The following MAGI2 variants were observed in gnomAD, a reference collection of about 807,000 sequenced individuals.
MAGI2 encodes membrane associated guanylate kinase, WW and PDZ domain containing 2, also known as membrane-associated guanylate kinase, WW and PDZ domain-containing protein 2.
A neutral mutation model predicts 133.3 loss-of-function variants in MAGI2; 35 were observed. The ratio of observed to expected loss-of-function variants is 0.26; its 90% confidence interval spans 0.20 to 0.35. The LOEUF (loss-of-function observed/expected upper bound fraction) is 0.35, where lower values mean the gene tolerates loss of function less well. MAGI2 is among the 10% of genes least tolerant of loss of function. The pLI is 1.00. For missense variants in MAGI2, 1,636 were observed against 1,863.4 expected (o/e 0.88, Z 2.25); for synonymous variants, 729 against 710.6 (o/e 1.03, Z -0.41).
At chr7:78,028,715 C>T (rs1809223176) in intron 21 of MAGI2, among the ~76,000 whole-genome samples, 1 of 151,912 alleles carries the variant, frequency 6.6e-6, no homozygotes, top group South Asian at 2.1e-4. Context: ...ATTAGCTGGG[C>T]ATGGTGGCAC....
At chr7:78,415,853 T>C (rs2151387974) in intron 6 of MAGI2, among the ~76,000 whole-genome samples, 1 of 152,298 alleles carries the variant, frequency 6.6e-6, no homozygotes, top group Non-Finnish European at 1.5e-5. Context: ...TTTTAAATGC[T>C]GTTAGATTTA....
chr7:79,163,826 T>G (rs1749485153), intron 1 of MAGI2, among the ~76,000 whole-genome samples: 1 of 152,046 alleles, frequency 6.6e-6, no homozygotes, highest in African/African-American at 2.4e-5. Flanking sequence ...ATTTTATATC[T>G]CTTGTAAGTG....
intron 1 of MAGI2, among the ~76,000 whole-genome samples, chr7:79,327,476 T>C (rs367690992): frequency 1.5e-3 from 234 of 152,192 alleles, no homozygotes; most frequent in African/African-American, 5.4e-3. Flanking sequence ...TAAAGGGAAA[T>C]CCTGACACAT....
chr7:78,479,160 AAC>A (rs1384615358), intron 6 of MAGI2, among the ~76,000 whole-genome samples: 4 of 151,946 alleles, frequency 2.6e-5, no homozygotes, highest in African/African-American at 4.8e-5. Context: ...TTCAGGGACA[AAC>A]ACAATCAATA....
chr7:78,991,130 GCT>G (rs753252788), intron 2 of MAGI2, among the ~76,000 whole-genome samples: 136 of 151,366 alleles, frequency 9.0e-4, no homozygotes, highest in Middle Eastern at 3.4e-3. Flanking sequence ...CTTTTTGCTT[GCT>G]CTCTCTCTCT....
intron 1 of MAGI2, among the ~76,000 whole-genome samples, chr7:79,379,286 A>T (rs1843620163): frequency 6.6e-6 from 1 of 151,568 alleles, no homozygotes; most frequent in African/African-American, 2.4e-5. Context: ...AAAAAGGATA[A>T]GAATTCATCA....
At chr7:78,294,905 G>GTT (rs373682667) in intron 9 of MAGI2, among the ~76,000 whole-genome samples, 181 of 152,198 alleles carry the variant, frequency 1.2e-3, no homozygotes, top group African/African-American at 4.2e-3. Flanking sequence ...AAATACTGCT[G>GTT]TTTAATGTAT....
chr7:78,626,173 A>G lies in MAGI2; in HGVS notation c.538+947T>C, dbSNP rs1287138219. On this transcript the variant is annotated intron_variant, in intron 3 of 21. Coordinates refer to ENST00000354212, the MANE Select transcript of MAGI2 (RefSeq NM_012301.4). ...CTATTAGTTGCAGGTTAATAAAACT[A>G]ATCTTTCAACTTAATAATAGCATCT... is the stretch of plus-strand genomic sequence containing the variant. Among the ~76,000 whole-genome samples the G allele has an allele frequency of 3.3e-5, 5 of 152,208 alleles. No homozygotes were observed. In the East Asian group the frequency reaches 7.7e-4, roughly 23 times the overall value.
chr7:78,586,948 A>G (rs1279722285), intron 3 of MAGI2, among the ~76,000 whole-genome samples: 1 of 152,186 alleles, frequency 6.6e-6, no homozygotes, highest in Non-Finnish European at 1.5e-5. Context: ...TTGTATGTAT[A>G]TACCACATTT....
At chr7:78,356,324 GC>G (rs1469520443) in intron 7 of MAGI2, among the ~76,000 whole-genome samples, 1 of 152,196 alleles carries the variant, frequency 6.6e-6, no homozygotes, top group African/African-American at 2.4e-5. Context: ...TCTTCTGAGG[GC>G]CAGTGATCTA....
chr7:78,733,753 A>C (rs1201153926), intron 2 of MAGI2, among the ~76,000 whole-genome samples: 1 of 152,202 alleles, frequency 6.6e-6, no homozygotes. Context: ...CATCAGTAAG[A>C]CATTCATGCC....
At chr7:79,374,934 C>G (rs760953593) in intron 1 of MAGI2, among the ~76,000 whole-genome samples, 1 of 151,806 alleles carries the variant, frequency 6.6e-6, no homozygotes, top group African/African-American at 2.4e-5. Flanking sequence ...CACCAGTTAT[C>G]CACCTACTAT....
At chr7:79,318,137 A>G (rs17152236) in intron 1 of MAGI2, among the ~76,000 whole-genome samples, 7,853 of 152,184 alleles carry the variant, frequency 0.052, 652 homozygotes, top group African/African-American at 0.18. Flanking sequence ...CCTATCATCT[A>G]TACACTGAGG....
chr7:78,136,438 T>C (rs1374155372), intron 16 of MAGI2, among the ~76,000 whole-genome samples: 1 of 152,152 alleles, frequency 6.6e-6, no homozygotes, highest in African/African-American at 2.4e-5. Context: ...TTTTACTGTT[T>C]ATTTATATGT....
At chr7:78,330,184 G>A (rs1789020235) in intron 9 of MAGI2, among the ~76,000 whole-genome samples, 1 of 152,104 alleles carries the variant, frequency 6.6e-6, no homozygotes, top group African/African-American at 2.4e-5. Context: ...TAACACATCT[G>A]GTGAGATGTT....
intron 3 of MAGI2, among the ~76,000 whole-genome samples, chr7:78,581,767 A>G (rs1396442172): frequency 6.6e-6 from 1 of 152,216 alleles, no homozygotes; most frequent in African/African-American, 2.4e-5. Flanking sequence ...CCCAAAGAAC[A>G]AGGAAAACCT....
chr7:79,383,437 G>A (rs960283851), intron 1 of MAGI2, among the ~76,000 whole-genome samples: 4 of 151,210 alleles, frequency 2.6e-5, no homozygotes, highest in Non-Finnish European at 5.9e-5. Flanking sequence ...GTATAAAATG[G>A]GATTTTAAAA....
chr7:79,113,298 A>G (rs890803973), intron 1 of MAGI2, among the ~76,000 whole-genome samples: 3 of 152,194 alleles, frequency 2.0e-5, no homozygotes, highest in Admixed American at 6.5e-5. Context: ...CAACCTTCCC[A>G]TGGTGAGCTA....
At chr7:79,006,176 AT>A (rs909853988) in intron 2 of MAGI2, among the ~76,000 whole-genome samples, 1 of 152,034 alleles carries the variant, frequency 6.6e-6, no homozygotes, top group Non-Finnish European at 1.5e-5. Flanking sequence ...CTACATAATA[AT>A]TTTTTTTGTT....
Sources: gnomAD v4.1 joint callset for allele counts (sites outside exome capture counted in the v4.1 genomes callset) on GRCh38, gnomAD v4.1.1 for gene constraint, MANE v1.5 for transcripts, NCBI Gene and HGNC (gene_info 2026-07-23, HGNC 2026-07-21) for gene names.